Variants in ZFPM2 observed in about 807,000 individuals in gnomAD.
ZFPM2 encodes zinc finger protein, FOG family member 2.
A neutral mutation model predicts 98.6 loss-of-function variants in ZFPM2; 20 were observed. That is an observed-to-expected ratio of 0.20 (90% CI 0.14 to 0.29). The LOEUF is 0.29. Ranked by LOEUF, ZFPM2 falls within the 10% of genes least tolerant of loss-of-function variation. The pLI is 1.00. For missense variants in ZFPM2, 1,310 were observed against 1,388.6 expected (o/e 0.94, Z 0.90); for synonymous variants, 518 against 502.7 (o/e 1.03, Z -0.41).
chr8:105,531,421 C>T (rs952835744), intron 3 of ZFPM2, among the ~76,000 whole-genome samples: 3 of 152,058 alleles, frequency 2.0e-5, no homozygotes, highest in Non-Finnish European at 4.4e-5. Context: ...CCAATTTTTG[C>T]GCTCATTATC....
intron 4 of ZFPM2, among the ~76,000 whole-genome samples, chr8:105,606,574 G>A (rs773059382): frequency 1.7e-4 from 26 of 151,862 alleles, no homozygotes; most frequent in Admixed American, 5.9e-4. Flanking sequence ...GGTTATGTAT[G>A]GAAATTACAA....
chr8:105,413,482 T>TTATATATATATATATA (rs200856542), intron 1 of ZFPM2, among the ~76,000 whole-genome samples: 10 of 140,012 alleles, frequency 7.1e-5, no homozygotes, highest in African/African-American at 2.6e-4. Flanking sequence ...AATTCAAACA[T>TTATATATATATATATA]TATATATATA....
At chr8:105,380,888 TAA>T (rs1810869856) in intron 1 of ZFPM2, among the ~76,000 whole-genome samples, 2 of 82,396 alleles carry the variant, frequency 2.4e-5, no homozygotes, top group South Asian at 5.7e-4. Context: ...ATATATATTA[TAA>T]TATATATAAT....
At chr8:105,531,261 C>T (rs1264824535) in intron 3 of ZFPM2, among the ~76,000 whole-genome samples, 2 of 152,142 alleles carry the variant, frequency 1.3e-5, no homozygotes. Flanking sequence ...AATCGATTCT[C>T]TTTCAGTACT....
chr8:105,328,856 T>C (rs1406966402), intron 1 of ZFPM2, among the ~76,000 whole-genome samples: 3 of 151,820 alleles, frequency 2.0e-5, no homozygotes. Context: ...ATAAGTACTC[T>C]TGCGTTTTTT....
At chr8:105,350,222 A>G (rs1028851501) in intron 1 of ZFPM2, among the ~76,000 whole-genome samples, 1 of 152,198 alleles carries the variant, frequency 6.6e-6, no homozygotes, top group African/African-American at 2.4e-5. Context: ...TGATATCATG[A>G]AACAATAATT....
Position 105,735,115 on chromosome 8 carries a change from A to G in ZFPM2, c.533-53603A>G, listed in dbSNP as rs147127845. On this transcript the variant is annotated intron_variant, in intron 5 of 7. Transcript: ENST00000407775. ...TACACATATATTATATATATAAATT[A>G]TATATATATAATGTATCTACATCTA... Among the ~76,000 whole-genome samples the G allele has an allele frequency of 3.7e-3, 550 of 147,662 alleles. 4 individuals are homozygous for G. Among genetic ancestry groups the G allele is most frequent in the African/African-American group, 0.013 (512 of 40,770 alleles).
intron 3 of ZFPM2, among the ~76,000 whole-genome samples, chr8:105,552,643 G>A (rs1163947086): frequency 9.4e-6 from 1 of 106,044 alleles, no homozygotes; most frequent in African/African-American, 5.1e-5. Flanking sequence ...GGGATGGGCT[G>A]TTTCTTCCTG....
At chr8:105,785,887 A>C (rs1358130854) in intron 5 of ZFPM2, among the ~76,000 whole-genome samples, 19 of 151,952 alleles carry the variant, frequency 1.3e-4, no homozygotes, top group African/African-American at 4.3e-4. Context: ...CTAAAAATAC[A>C]AAAAATTAGC....
intron 3 of ZFPM2, among the ~76,000 whole-genome samples, chr8:105,447,872 A>G (rs1812406894): frequency 6.6e-6 from 1 of 152,112 alleles, no homozygotes. Context: ...CAGATTCCAC[A>G]GTGGAAAGTA....
chr8:105,319,264 A>G (rs571481163), intron 1 of ZFPM2, among the ~76,000 whole-genome samples: 2 of 152,228 alleles, frequency 1.3e-5, no homozygotes, highest in South Asian at 4.1e-4. Flanking sequence ...CGACCCGCGC[A>G]CGCTGCGAGT....
intron 5 of ZFPM2, among the ~76,000 whole-genome samples, chr8:105,765,408 A>C (rs1456335915): frequency 1.3e-5 from 2 of 151,980 alleles, no homozygotes; most frequent in Non-Finnish European, 2.9e-5. Context: ...ATGCCAGTAC[A>C]ATTTACATTT....
intron 1 of ZFPM2, among the ~76,000 whole-genome samples, chr8:105,410,793 T>C (rs1811561270): frequency 6.6e-6 from 1 of 151,892 alleles, no homozygotes; most frequent in Non-Finnish European, 1.5e-5. Context: ...ACATAATATA[T>C]ATAAGGAGTT....
At chr8:105,537,475 A>G (rs529553920) in intron 3 of ZFPM2, among the ~76,000 whole-genome samples, 23 of 152,252 alleles carry the variant, frequency 1.5e-4, no homozygotes, top group Non-Finnish European at 2.6e-4. Context: ...CATGAGTTCA[A>G]GGCTATCCTG....
chr8:105,426,189 G>T (rs542205357), intron 2 of ZFPM2, among the ~76,000 whole-genome samples: 1 of 152,234 alleles, frequency 6.6e-6, no homozygotes, highest in South Asian at 2.1e-4. Context: ...TTCTTAACGG[G>T]ATTAAGAAGC....
chr8:105,406,465 T>G (rs1811461251), intron 1 of ZFPM2, among the ~76,000 whole-genome samples: 1 of 151,996 alleles, frequency 6.6e-6, no homozygotes, highest in Admixed American at 6.6e-5. Flanking sequence ...CAAGATGGAT[T>G]AAAGACCTAC....
chr8:105,395,423 A>G (rs919821755), intron 1 of ZFPM2, among the ~76,000 whole-genome samples: 2 of 152,152 alleles, frequency 1.3e-5, no homozygotes, highest in Non-Finnish European at 2.9e-5. Flanking sequence ...AACCCCAGAG[A>G]TGGTAGGATC....
chr8:105,564,577 T>A (rs1050092337), intron 4 of ZFPM2, among the ~76,000 whole-genome samples: 2 of 152,058 alleles, frequency 1.3e-5, no homozygotes, highest in African/African-American at 4.8e-5. Flanking sequence ...CCAAAAAACC[T>A]GTGAATTTGG....
intron 1 of ZFPM2, among the ~76,000 whole-genome samples, chr8:105,388,956 A>G (rs1811053538): frequency 6.6e-6 from 1 of 150,962 alleles, no homozygotes; most frequent in South Asian, 2.1e-4. Context: ...AAAGGAGAGA[A>G]CGTGCACATA....
Sources: allele counts gnomAD v4.1 joint callset (sites outside exome capture counted in the v4.1 genomes callset), GRCh38; gene constraint gnomAD v4.1.1; transcripts MANE v1.5; gene names NCBI Gene and HGNC (gene_info 2026-07-23, HGNC 2026-07-21).